The following DIP2C variants were observed in gnomAD, a reference collection of about 807,000 sequenced individuals.
The protein encoded by DIP2C is DIP2 acetate--CoA ligase C (putative).
In DIP2C, 33 loss-of-function variants were observed where a neutral mutation model predicts 192.4. That is an observed-to-expected ratio of 0.17 (90% confidence interval 0.13 to 0.23). The LOEUF is 0.23. DIP2C is among the 10% of genes least tolerant of loss of function. DIP2C has a pLI of 1.00. For missense variants in DIP2C, 1,537 were observed against 2,110.1 expected (o/e 0.73, Z 5.32); for synonymous variants, 979 against 864.1 (o/e 1.13, Z -2.33).
At chr10:288,111 C>T (rs1330476945) in intron 33 of DIP2C, among the ~76,000 whole-genome samples, 2 of 152,136 alleles carry the variant, frequency 1.3e-5, no homozygotes, top group Admixed American at 6.5e-5. Context: ...ATGCGCAGAA[C>T]GAGGCTGAAG....
chr10:523,638 C>T (rs1246614085), intron 1 of DIP2C, among the ~76,000 whole-genome samples: 9 of 149,550 alleles, frequency 6.0e-5, no homozygotes, highest in African/African-American at 2.2e-4. Flanking sequence ...GTGACCCGCA[C>T]ACTCGTTTCT....
chr10:304,612 C>T (rs556866622), intron 32 of DIP2C, among the ~76,000 whole-genome samples: 1 of 152,262 alleles, frequency 6.6e-6, no homozygotes, highest in African/African-American at 2.4e-5. Context: ...TGTAACAACT[C>T]CACATACAAA....
intron 1 of DIP2C, among the ~76,000 whole-genome samples, chr10:603,707 G>A (rs962419378): frequency 4.6e-5 from 7 of 152,208 alleles, no homozygotes; most frequent in Non-Finnish European, 1.0e-4. Context: ...AAGGTCTGGA[G>A]GTGAATAGAT....
Position 276,029 on chromosome 10 carries a change from G to A in DIP2C, c.*1296C>T, listed in dbSNP as rs1427959563. ...ATTGGCCATCAGAGGGGGAATCAATGCAACCCAGTGCGAATGACCACAGAA... is the reference window on the plus strand; with the variant it reads ...ATTGGCCATCAGAGGGGGAATCAATACAACCCAGTGCGAATGACCACAGAA... On this transcript the variant is annotated 3_prime_UTR_variant, in exon 37 of 37. Coordinates refer to ENST00000280886, the MANE Select transcript of DIP2C (RefSeq NM_014974.3). 1 of 152,260 alleles carries A rather than the reference G, an allele frequency of 6.6e-6. No individual in the cohort carries two copies. Among genetic ancestry groups the A allele is most frequent in the Non-Finnish European group, 1.5e-5 (1 of 68,042 alleles). The allele number at this position is 152,260 out of a possible 1,614,324, so 9.4% of individuals were successfully genotyped here. A position where few individuals can be genotyped will look rare whatever the true frequency, so the allele number is the denominator to read the frequency against.
At chr10:610,556 A>T (rs1443834352) in intron 1 of DIP2C, among the ~76,000 whole-genome samples, 1 of 152,268 alleles carries the variant, frequency 6.6e-6, no homozygotes, top group Non-Finnish European at 1.5e-5. Context: ...CCCTGAAAAT[A>T]TGTACATATA....
intron 1 of DIP2C, among the ~76,000 whole-genome samples, chr10:558,029 TAATA>T (rs1463184863): frequency 6.6e-6 from 1 of 152,084 alleles, no homozygotes; most frequent in East Asian, 1.9e-4. Flanking sequence ...GACAGAATTA[TAATA>T]AAATGCTTAA....
intron 17 of DIP2C, among the ~76,000 whole-genome samples, chr10:381,286 G>A (rs536690450): frequency 6.6e-6 from 1 of 152,340 alleles, no homozygotes; most frequent in South Asian, 2.1e-4. Flanking sequence ...TAAAAAGACA[G>A]TCTTAATGAG....
chr10:390,342 C>T lies in DIP2C; in HGVS notation c.1416G>A (p.Glu472=), dbSNP rs757897883. Reference sequence around the variant, plus strand: ...GGGGCGGTTTGGAGAGATGTTTAGACTCTGTGACAAACCACAGCAGCTTTG... The same window carrying T: ...GGGGCGGTTTGGAGAGATGTTTAGATTCTGTGACAAACCACAGCAGCTTTG... ...GWPKLLWFVT[E]SKHLSKPPRD... is the part of the protein sequence containing the mutation. The change falls in exon 12 of 37, where the codon GAG becomes GAA. Residue 472 remains glutamate (E), a synonymous_variant. Coordinates refer to ENST00000280886, the MANE Select transcript of DIP2C (RefSeq NM_014974.3). 8.1e-6 allele frequency: 13 copies of T among 1,613,872 alleles called. No homozygotes were observed. Among genetic ancestry groups the T allele is most frequent in the Non-Finnish European group, 1.0e-5 (12 of 1,180,030 alleles).
At chr10:640,607 GTGCGCGCGGGGAAGAAGC>G (rs1357725417) in intron 1 of DIP2C, among the ~76,000 whole-genome samples, 2 of 151,858 alleles carry the variant, frequency 1.3e-5, no homozygotes, top group African/African-American at 4.8e-5. Flanking sequence ...CGGGACGAGG[GTGCGCGCGGGGAAGAAGC>G]TGCGCGCGGG....
intron 1 of DIP2C, among the ~76,000 whole-genome samples, chr10:566,348 T>G (rs1849467797): frequency 6.6e-6 from 1 of 152,224 alleles, no homozygotes. Flanking sequence ...GCACCAGGCC[T>G]TCCTCAGAAG....
intron 8 of DIP2C, among the ~76,000 whole-genome samples, chr10:409,873 T>G (rs1166561112): frequency 6.6e-6 from 1 of 152,140 alleles, no homozygotes; most frequent in Non-Finnish European, 1.5e-5. Flanking sequence ...CTAAAATGAG[T>G]TCTTAAATAC....
chr10:445,044 G>A (rs539139240), intron 3 of DIP2C, among the ~76,000 whole-genome samples: 2 of 152,348 alleles, frequency 1.3e-5, no homozygotes, highest in South Asian at 4.1e-4. Flanking sequence ...ATCAGTCTGA[G>A]ATCCAGCCTG....
intron 10 of DIP2C, among the ~76,000 whole-genome samples, chr10:395,965 C>G (rs1449403343): frequency 6.6e-6 from 1 of 152,186 alleles, no homozygotes; most frequent in African/African-American, 2.4e-5. Flanking sequence ...CGAGATGCCC[C>G]TCATCCCCAT....
intron 23 of DIP2C, among the ~76,000 whole-genome samples, chr10:357,105 C>T (rs1053040072): frequency 1.3e-5 from 2 of 152,148 alleles, no homozygotes; most frequent in Non-Finnish European, 2.9e-5. Context: ...AGGTTTCATC[C>T]GTTTCATCAA....
At chr10:605,413 A>G (rs1013739956) in intron 1 of DIP2C, among the ~76,000 whole-genome samples, 4 of 152,214 alleles carry the variant, frequency 2.6e-5, no homozygotes, top group Non-Finnish European at 5.9e-5. Context: ...CCCTTGCCCA[A>G]GCTAATAAAA....
chr10:569,569 G>A lies in DIP2C; in HGVS notation c.86-83039C>T, dbSNP rs117252164. On this transcript the variant is annotated intron_variant, in intron 1 of 36. Coordinates refer to ENST00000280886, the MANE Select transcript of DIP2C (RefSeq NM_014974.3). ...ATCAGTGAAATTGGGAATAACATTC[G>A]GTTAAATGATACTCATTTGTTTTAT... is the stretch of plus-strand genomic sequence containing the variant. Among the ~76,000 whole-genome samples, 788 of 152,020 alleles carry A rather than the reference G, an allele frequency of 5.2e-3. 5 individuals are homozygous for A. The highest frequency in any genetic ancestry group is 0.023 in the South Asian group (112 of 4,798).
At chr10:475,666 G>A (rs1446881524) in intron 2 of DIP2C, among the ~76,000 whole-genome samples, 1 of 152,182 alleles carries the variant, frequency 6.6e-6, no homozygotes. Context: ...GAATAAAATA[G>A]AAGAACTAGC....
At chr10:541,058 CACAACACCCGA>C (rs1847958115) in intron 1 of DIP2C, among the ~76,000 whole-genome samples, 1 of 129,054 alleles carries the variant, frequency 7.7e-6, no homozygotes, top group African/African-American at 3.4e-5. Flanking sequence ...GCTGGGGAGC[CACAACACCCGA>C]TGCTGGGGAG....
At chr10:479,651 C>A (rs1212807919) in intron 2 of DIP2C, among the ~76,000 whole-genome samples, 1 of 152,158 alleles carries the variant, frequency 6.6e-6, no homozygotes, top group African/African-American at 2.4e-5. Flanking sequence ...GTCCTCCTTT[C>A]TATCCATCTT....
Sources: gnomAD v4.1 joint callset for allele counts (sites outside exome capture counted in the v4.1 genomes callset) on GRCh38, gnomAD v4.1.1 for gene constraint, MANE v1.5 for transcripts, NCBI Gene and HGNC (gene_info 2026-07-23, HGNC 2026-07-21) for gene names.